FAT3: variants seen among roughly 807,000 people sequenced by gnomAD.
FAT3 encodes the protein protocadherin Fat 3.
FAT3 carries 95 observed loss-of-function variants against 310.2 expected under a neutral mutation model. The observed-to-expected ratio is 0.31, with a 90% CI of 0.26 to 0.36. The LOEUF (loss-of-function observed/expected upper bound fraction) is 0.36, where lower values mean the gene tolerates loss of function less well. Ranked by LOEUF, FAT3 falls within the 10% of genes least tolerant of loss-of-function variation. The probability of loss-of-function intolerance (pLI) is 1.00; values close to 1 mark genes in which losing one functional copy is unlikely to be tolerated. For missense variants in FAT3, 5,408 were observed against 5,715.6 expected (o/e 0.95, Z 1.74); for synonymous variants, 2,314 against 2,192.9 (o/e 1.06, Z -1.54).
At chr11:92,555,252 A>G (rs1252254399) in intron 3 of FAT3, among the ~76,000 whole-genome samples, 2 of 152,220 alleles carry the variant, frequency 1.3e-5, no homozygotes, top group Non-Finnish European at 2.9e-5. Context: ...CAATAATGTA[A>G]TAGGGATTGT....
intron 3 of FAT3, among the ~76,000 whole-genome samples, chr11:92,588,760 G>A (rs1247638213): frequency 2.6e-5 from 4 of 151,600 alleles, no homozygotes; most frequent in Admixed American, 6.6e-5. Context: ...CAAATAGTAT[G>A]TGACACATTT....
At chr11:92,276,556 G>C (rs1438905085) in intron 1 of FAT3, among the ~76,000 whole-genome samples, 1 of 152,080 alleles carries the variant, frequency 6.6e-6, no homozygotes, top group East Asian at 1.9e-4. Flanking sequence ...GTGACACTAG[G>C]TTTAAAAGGT....
At chr11:92,686,676 C>T (rs530452898) in intron 3 of FAT3, among the ~76,000 whole-genome samples, 4 of 152,106 alleles carry the variant, frequency 2.6e-5, no homozygotes, top group African/African-American at 4.8e-5. Flanking sequence ...GCTTTCCATA[C>T]GAGTGATATT....
chr11:92,588,282 C>A (rs1390346467), intron 3 of FAT3, among the ~76,000 whole-genome samples: 1 of 151,792 alleles, frequency 6.6e-6, no homozygotes, highest in Non-Finnish European at 1.5e-5. Context: ...TTTGTCATGA[C>A]AATTTTTTGT....
At chr11:92,535,191 G>T (rs1320042620) in intron 3 of FAT3, among the ~76,000 whole-genome samples, 1 of 152,050 alleles carries the variant, frequency 6.6e-6, no homozygotes, top group African/African-American at 2.4e-5. Context: ...TATTGTGTTG[G>T]AGGCCCCAAC....
At chr11:92,265,448 G>A (rs914612730) in intron 1 of FAT3, among the ~76,000 whole-genome samples, 1 of 151,750 alleles carries the variant, frequency 6.6e-6, no homozygotes, top group Admixed American at 6.6e-5. Flanking sequence ...CCAGTCTCTG[G>A]GGAAGGCAAA....
At chr11:92,557,031 C>G (rs981453626) in intron 3 of FAT3, among the ~76,000 whole-genome samples, 2 of 151,940 alleles carry the variant, frequency 1.3e-5, no homozygotes, top group African/African-American at 2.4e-5. Flanking sequence ...TGTAACTGGT[C>G]TCTAACTTCT....
intron 3 of FAT3, among the ~76,000 whole-genome samples, chr11:92,683,764 C>T (rs905647134): frequency 1.3e-5 from 2 of 152,126 alleles, no homozygotes; most frequent in East Asian, 1.9e-4. Context: ...AGCTTCAGTT[C>T]GTTAATACAG....
In FAT3 at chr11:92,567,984, G is replaced by A. The variant is rs571505405; in HGVS notation, c.3607+43036G>A. On this transcript the variant is annotated intron_variant, in intron 3 of 27. Coordinates refer to ENST00000525166, the MANE Select transcript of FAT3 (RefSeq NM_001367949.2). ...TGCAGTGCACCCGCATGGCACATGT[G>A]TACATATGTAACTAACCTGCACATT... 3.9e-5 allele frequency among the ~76,000 whole-genome samples: 6 copies of A among 151,982 alleles called. No individual in the cohort carries two copies. The South Asian group carries it at 6.3e-4, about 16-fold the overall frequency.
chr11:92,470,606 A>C (rs1951880059), intron 2 of FAT3, among the ~76,000 whole-genome samples: 1 of 152,182 alleles, frequency 6.6e-6, no homozygotes, highest in Admixed American at 6.5e-5. Context: ...CATGGAACTC[A>C]CAGAACTTCT....
At chr11:92,711,185 A>G (rs750789529) in intron 4 of FAT3, among the ~76,000 whole-genome samples, 95 of 152,330 alleles carry the variant, frequency 6.2e-4, no homozygotes, top group Middle Eastern at 3.4e-3. Context: ...ATACACATAT[A>G]TTTCATATAA....
At chr11:92,791,491 A>C (rs141054170) in intron 8 of FAT3, among the ~76,000 whole-genome samples, 1 of 152,314 alleles carries the variant, frequency 6.6e-6, no homozygotes, top group African/African-American at 2.4e-5. Flanking sequence ...TGATTCTTTA[A>C]GTCATTTCTG....
At chr11:92,432,172 G>A (rs1025269411) in intron 2 of FAT3, among the ~76,000 whole-genome samples, 34 of 152,082 alleles carry the variant, frequency 2.2e-4, no homozygotes, top group South Asian at 1.7e-3. Flanking sequence ...CTTTTATTTC[G>A]TTGAGCAGTG....
chr11:92,425,552 C>G (rs756002625), intron 2 of FAT3, among the ~76,000 whole-genome samples: 6 of 151,898 alleles, frequency 4.0e-5, no homozygotes, highest in African/African-American at 9.7e-5. Context: ...CCACCCCCAA[C>G]AGGCTCCAGT....
intron 2 of FAT3, among the ~76,000 whole-genome samples, chr11:92,447,862 G>A (rs760910072): frequency 7.9e-5 from 12 of 151,878 alleles, no homozygotes; most frequent in Non-Finnish European, 1.6e-4. Flanking sequence ...AGCAGCTTGA[G>A]CCTTTCTTTG....
At chr11:92,864,390 T>A (rs75116473) in intron 21 of FAT3, among the ~76,000 whole-genome samples, 2,784 of 152,298 alleles carry the variant, frequency 0.018, 97 homozygotes, top group African/African-American at 0.063. Flanking sequence ...CATTTGATGA[T>A]TTATTACTTA....
chr11:92,565,656 G>A (rs1329896231), intron 3 of FAT3, among the ~76,000 whole-genome samples: 7 of 150,084 alleles, frequency 4.7e-5, no homozygotes, highest in South Asian at 2.1e-4. Flanking sequence ...CTGGCAAACC[G>A]AATCCAGCAG....
At chr11:92,552,530 TTTATTCA>T (rs1281092230) in intron 3 of FAT3, among the ~76,000 whole-genome samples, 1 of 152,198 alleles carries the variant, frequency 6.6e-6, no homozygotes, top group African/African-American at 2.4e-5. Flanking sequence ...GGGAATGTAC[TTTATTCA>T]TTTTCTGTTG....
chr11:92,357,106 TA>T (rs2134655981), intron 2 of FAT3, among the ~76,000 whole-genome samples: 1 of 152,298 alleles, frequency 6.6e-6, no homozygotes, highest in Non-Finnish European at 1.5e-5. Flanking sequence ...CACAAAATGA[TA>T]AAAGAGGGGA....
Sources: gnomAD v4.1 joint callset for allele counts (sites outside exome capture counted in the v4.1 genomes callset) on GRCh38, gnomAD v4.1.1 for gene constraint, MANE v1.5 for transcripts, NCBI Gene and HGNC (gene_info 2026-07-23, HGNC 2026-07-21) for gene names.